UBE2D2: variants seen among roughly 807,000 people sequenced by gnomAD.
UBE2D2 encodes the protein ubiquitin-conjugating enzyme E2 D2.
Under a neutral mutation model 24.2 loss-of-function variants are expected in UBE2D2, and 2 were observed. That is an observed-to-expected ratio of 0.08 (90% CI 0.03 to 0.26). The LOEUF is 0.26. UBE2D2 is among the 10% of genes least tolerant of loss of function. The pLI is 1.00. For synonymous variants in UBE2D2, 58 were observed against 56.5 expected, an observed-to-expected ratio of 1.03 and a Z score of -0.12; for missense variants, 44 against 177.6, an observed-to-expected ratio of 0.25 and a Z score of 4.28.
In UBE2D2 at chr5:139,553,503, C is replaced by T. The variant is rs1176708758; in HGVS notation, c.-64+26891C>T. Among the ~76,000 whole-genome samples the T allele has an allele frequency of 2.6e-5, 4 of 152,234 alleles. No individual in the cohort carries two copies. The East Asian group carries it at 7.7e-4, about 29-fold the overall frequency. On this transcript the variant is annotated intron_variant, in intron 1 of 6. Coordinates refer to the UBE2D2 transcript ENST00000511725. ...TTTGCCAAGGGAAAGCCTCTAAATA[C>T]TAAAATGTTTGCAGCACTAGGTTAA...
chr5:139,600,832 G>C (rs1185505484), intron 2 of UBE2D2, among the ~76,000 whole-genome samples: 1 of 152,044 alleles, frequency 6.6e-6, no homozygotes, highest in Non-Finnish European at 1.5e-5. Context: ...ACAGGGTCTC[G>C]CTCTGTCAAG....
At chr5:139,561,975 G>A (rs1030117437) in intron 1 of UBE2D2, 160 bp downstream of exon 1, 8 of 1,069,874 alleles carry the variant, frequency 7.5e-6, no homozygotes, top group East Asian at 3.0e-5. Context: ...GATGGCGCCC[G>A]TGGAGGCCCC....
intron 2 of UBE2D2, among the ~76,000 whole-genome samples, chr5:139,602,417 C>T (rs773450010): frequency 7.9e-5 from 12 of 152,280 alleles, no homozygotes; most frequent in Middle Eastern, 6.8e-3. Flanking sequence ...TGGCTCACAC[C>T]TGTAATCTCA....
At chr5:139,604,874 A>G (rs1319497376) in intron 2 of UBE2D2, among the ~76,000 whole-genome samples, 2 of 150,254 alleles carry the variant, frequency 1.3e-5, no homozygotes, top group African/African-American at 4.9e-5. Flanking sequence ...GTTGAGACCC[A>G]GTCTCTAAAA....
intron 1 of UBE2D2, among the ~76,000 whole-genome samples, chr5:139,563,414 C>T (rs1753151226): frequency 6.6e-6 from 1 of 152,036 alleles, no homozygotes; most frequent in Non-Finnish European, 1.5e-5. Flanking sequence ...AAGCTTGAAC[C>T]TTAAGCAAAG....
intron 1 of UBE2D2, among the ~76,000 whole-genome samples, chr5:139,552,512 T>C (rs1752933605): frequency 6.8e-6 from 1 of 147,042 alleles, no homozygotes; most frequent in African/African-American, 2.5e-5. Flanking sequence ...CTTTTTTCTT[T>C]TTTTTTTTTT....
At chr5:139,587,552 AC>A (rs1212522328) in intron 1 of UBE2D2, among the ~76,000 whole-genome samples, 1 of 151,620 alleles carries the variant, frequency 6.6e-6, no homozygotes, top group Non-Finnish European at 1.5e-5. Context: ...GGTGGCGGGC[AC>A]CACCAGCAAC....
intron 1 of UBE2D2, among the ~76,000 whole-genome samples, chr5:139,551,489 C>A (rs1489361380): frequency 6.6e-6 from 1 of 152,218 alleles, no homozygotes; most frequent in Non-Finnish European, 1.5e-5. Flanking sequence ...AGTTCTGTGA[C>A]ATACCATGAA....
In UBE2D2 at chr5:139,535,324, C is replaced by T. The variant is rs1189710362; in HGVS notation, c.-64+8712C>T. Among the ~76,000 whole-genome samples, 3 of 148,238 alleles carry T rather than the reference C, an allele frequency of 2.0e-5. 1 individual carries two copies. Among genetic ancestry groups the T allele is most frequent in the Middle Eastern group, 7.6e-3 (2 of 264 alleles). On this transcript the variant is annotated intron_variant, in intron 1 of 6. Transcript: ENST00000511725. ...AAAAAAAAAGAGACTTGCATGGTGGCGGGCACCTGTAGTCCCAGCTACATG... is the reference window on the plus strand; with the variant it reads ...AAAAAAAAAGAGACTTGCATGGTGGTGGGCACCTGTAGTCCCAGCTACATG...
chr5:139,565,986 G>C (rs1753207832), intron 1 of UBE2D2, among the ~76,000 whole-genome samples: 1 of 151,958 alleles, frequency 6.6e-6, no homozygotes, highest in East Asian at 1.9e-4. Context: ...AGTAATGCCA[G>C]GATTATCACT....
chr5:139,549,146 C>T (rs1409649214), intron 1 of UBE2D2, among the ~76,000 whole-genome samples: 1 of 152,164 alleles, frequency 6.6e-6, no homozygotes, highest in African/African-American at 2.4e-5. Context: ...TGTGCCCGGT[C>T]TTAAAAGCCC....
At chr5:139,545,931 T>C (rs1286965331) in intron 1 of UBE2D2, among the ~76,000 whole-genome samples, 6 of 151,982 alleles carry the variant, frequency 3.9e-5, no homozygotes, top group South Asian at 2.1e-4. Context: ...TTCACCATGT[T>C]GGCCAGGCTG....
intron 1 of UBE2D2, among the ~76,000 whole-genome samples, chr5:139,546,177 G>A (rs1752822983): frequency 6.6e-6 from 1 of 151,702 alleles, no homozygotes; most frequent in Non-Finnish European, 1.5e-5. Context: ...CCAAGTAGCT[G>A]GGATTACAGC....
At chr5:139,530,270 G>A (rs1477425369) in intron 1 of UBE2D2, among the ~76,000 whole-genome samples, 1 of 152,112 alleles carries the variant, frequency 6.6e-6, no homozygotes. Flanking sequence ...TGGACACAGA[G>A]CTTATGCTAA....
intron 1 of UBE2D2, among the ~76,000 whole-genome samples, chr5:139,553,055 G>A (rs1249112939): frequency 6.6e-6 from 1 of 152,096 alleles, no homozygotes; most frequent in Non-Finnish European, 1.5e-5. Context: ...CTGACCTCAG[G>A]TGATCCGCCC....
intron 1 of UBE2D2, among the ~76,000 whole-genome samples, chr5:139,536,370 A>G (rs554547743): frequency 6.7e-6 from 1 of 148,828 alleles, no homozygotes; most frequent in South Asian, 2.1e-4. Context: ...AAGTGTATTT[A>G]TTTATTTTTT....
intron 1 of UBE2D2, among the ~76,000 whole-genome samples, chr5:139,535,610 CAG>C (rs1304236253): frequency 1.3e-5 from 2 of 151,990 alleles, no homozygotes; most frequent in African/African-American, 4.8e-5. Flanking sequence ...GCCTGGGTGA[CAG>C]AGTGACACTA....
chr5:139,562,356 C>G lies in UBE2D2; in HGVS notation c.24+541C>G, dbSNP rs556635092. The G allele has an allele frequency of 1.9e-5, 26 of 1,338,502 alleles. 1 individual carries two copies. In the Admixed American group the frequency reaches 4.8e-4, roughly 25 times the overall value. 82.9% of individuals were successfully genotyped at this position (1,338,502 alleles called of 1,614,324 possible). A position where few individuals can be genotyped will look rare whatever the true frequency, so the allele number is the denominator to read the frequency against. ...TGGGTGGCAGCACACATCGGTCCAC[C>G]CTGCTTGTCCAGAAACTGTTAAGAG... On this transcript the variant is annotated intron_variant, in intron 1 of 6. Transcript: ENST00000398733.
intron 1 of UBE2D2, among the ~76,000 whole-genome samples, chr5:139,567,764 C>T (rs1753264104): frequency 6.6e-6 from 1 of 151,796 alleles, no homozygotes; most frequent in Non-Finnish European, 1.5e-5. Flanking sequence ...AAACTCCTGA[C>T]CTCCAGTGAT....
Sources: allele counts gnomAD v4.1 joint callset (sites outside exome capture counted in the v4.1 genomes callset), GRCh38; gene constraint gnomAD v4.1.1; transcripts MANE v1.5; gene names NCBI Gene and HGNC (gene_info 2026-07-23, HGNC 2026-07-21).